PRKAR1A: variants seen among roughly 807,000 people sequenced by gnomAD.
The protein encoded by PRKAR1A is cAMP-dependent protein kinase type I-alpha regulatory subunit.
A neutral mutation model predicts 52.0 loss-of-function variants in PRKAR1A; 3 were observed. The ratio of observed to expected loss-of-function variants is 0.06; its 90% confidence interval spans 0.03 to 0.15. The LOEUF is 0.15. Ranked by LOEUF, PRKAR1A falls within the 10% of genes least tolerant of loss-of-function variation. The pLI is 1.00. For missense variants in PRKAR1A, 240 were observed against 477.4 expected, an observed-to-expected ratio of 0.50 and a Z score of 4.63; for synonymous variants, 188 against 168.4, an observed-to-expected ratio of 1.12 and a Z score of -0.90.
the PRKAR1A span, among the ~76,000 whole-genome samples, chr17:68,496,127 C>T: frequency 1.5e-5 from 2 of 133,622 alleles, no homozygotes; most frequent in East Asian, 2.2e-4. Context: ...CTGCAACCTC[C>T]GCCTCCCGGG....
Position 68,531,385 on chromosome 17 carries a change from G to A in PRKAR1A, c.*936G>A, listed in dbSNP as rs959676726. On this transcript the variant is annotated 3_prime_UTR_variant, in exon 11 of 11. Coordinates refer to ENST00000589228, the MANE Select transcript of PRKAR1A (RefSeq NM_002734.5). ...TCCTCTGCTCATTAAACTGATTCCA[G>A]GAGATTGGATTTGCTGTGACTAGAT... The A allele has an allele frequency of 3.8e-6, 4 of 1,065,750 alleles. No homozygotes were observed. Among genetic ancestry groups the A allele is most frequent in the Non-Finnish European group, 1.1e-6 (1 of 879,466 alleles). The allele number at this position is 1,065,750 out of a possible 1,614,324, so 66.0% of individuals were successfully genotyped here.
At chr17:68,457,537 GTCCCC>G in the PRKAR1A span, 16 of 72,440 alleles carry the variant, frequency 2.2e-4, no homozygotes, top group East Asian at 4.4e-4. Context: ...ACCCCGCCCC[GTCCCC>G]ACCCCGCCCC....
the PRKAR1A span, among the ~76,000 whole-genome samples, chr17:68,437,005 A>AAAAAAATAT: frequency 6.5e-5 from 7 of 107,264 alleles, no homozygotes; most frequent in Middle Eastern, 5.3e-3. Flanking sequence ...AAAAAAAAAA[A>AAAAAAATAT]ATATATATAT....
At chr17:68,511,861 G>A (rs1009294297), upstream of PRKAR1A, 2 of 152,058 alleles carry the variant, frequency 1.3e-5, no homozygotes, top group South Asian at 2.1e-4. Flanking sequence ...CTCCTCCGGG[G>A]GCTGGCAGCG....
chr17:68,481,553 A>T, the PRKAR1A span, among the ~76,000 whole-genome samples: 1 of 152,178 alleles, frequency 6.6e-6, no homozygotes, highest in East Asian at 1.9e-4. Flanking sequence ...TCTAATGCCC[A>T]TGCTGATCTG....
At chr17:68,546,192 A>G (rs1406785228) in intron 11 of PRKAR1A, among the ~76,000 whole-genome samples, 3 of 120,288 alleles carry the variant, frequency 2.5e-5, no homozygotes, top group Non-Finnish European at 5.5e-5. Context: ...AAAAAAAAAA[A>G]AAAGCAGCAA....
the PRKAR1A span, among the ~76,000 whole-genome samples, chr17:68,454,056 G>A: frequency 6.6e-6 from 1 of 152,058 alleles, no homozygotes; most frequent in Non-Finnish European, 1.5e-5. Flanking sequence ...GACAATCAAA[G>A]TGCCTCTTAA....
chr17:68,437,016 A>ATGTGTGTGTGTGTGTGTGTGTGTG, the PRKAR1A span, among the ~76,000 whole-genome samples: 87 of 144,660 alleles, frequency 6.0e-4, 1 homozygote, highest in East Asian at 5.0e-3. Flanking sequence ...ATATATATAT[A>ATGTGTGTGTGTGTGTGTGTGTGTG]TGTGTGTGTG....
chr17:68,415,048 G>A, the PRKAR1A span, among the ~76,000 whole-genome samples: 1,359 of 151,878 alleles, frequency 8.9e-3, 23 homozygotes, highest in African/African-American at 0.031. Context: ...TCTGATCTTG[G>A]TTATTTCCTT....
chr17:68,478,036 C>T, the PRKAR1A span, among the ~76,000 whole-genome samples: 1 of 152,210 alleles, frequency 6.6e-6, no homozygotes, highest in East Asian at 1.9e-4. Flanking sequence ...ATTATATTTT[C>T]AAGTAAGCTT....
Position 68,531,222 on chromosome 17 carries a change from C to G in PRKAR1A, c.*773C>G. The G allele has an allele frequency of 6.6e-6, 7 of 1,066,240 alleles. No homozygotes were observed. The highest frequency in any genetic ancestry group is 8.0e-6 in the Non-Finnish European group (7 of 879,592). 66.0% of individuals were successfully genotyped at this position (1,066,240 alleles called of 1,614,324 possible). On this transcript the variant is annotated 3_prime_UTR_variant, in exon 11 of 11. Coordinates refer to ENST00000589228, the MANE Select transcript of PRKAR1A (RefSeq NM_002734.5). ...TACATCTGCCTCGGCTCACAAATTC[C>G]GATTAGACCTTTATCCAGCTAGTGC...
chr17:68,522,595 ACT>A (rs1183905042), intron 2 of PRKAR1A, among the ~76,000 whole-genome samples, 159 bp from the exon 3 acceptor site: 1 of 151,746 alleles, frequency 6.6e-6, no homozygotes, highest in East Asian at 1.9e-4. Context: ...TTCAAGTGTT[ACT>A]CTCTTTTTTT....
the PRKAR1A span, among the ~76,000 whole-genome samples, chr17:68,457,726 A>C: frequency 6.6e-6 from 1 of 151,604 alleles, no homozygotes; most frequent in Non-Finnish European, 1.5e-5. Flanking sequence ...GCTGGCGGGC[A>C]CCGCCCCCCT....
At chr17:68,421,595 C>T in the PRKAR1A span, 1 of 773,078 alleles carries the variant, frequency 1.3e-6, no homozygotes, top group Non-Finnish European at 2.2e-6. Flanking sequence ...CATTGGCAAC[C>T]AGGGTCGTGG....
intron 11 of PRKAR1A, among the ~76,000 whole-genome samples, chr17:68,545,305 T>A (rs1039495273): frequency 1.3e-5 from 2 of 152,242 alleles, no homozygotes; most frequent in Non-Finnish European, 2.9e-5. Flanking sequence ...ACAATTTTTG[T>A]ATAGACACAC....
chr17:68,532,615 T>C lies in PRKAR1A; in HGVS notation c.*2166T>C, dbSNP rs1162017972. 1 of 1,066,262 alleles carries C rather than the reference T, an allele frequency of 9.4e-7. No individual in the cohort carries two copies. The highest frequency in any genetic ancestry group is 5.0e-5 in the East Asian group (1 of 20,088). 66.1% of individuals were successfully genotyped at this position (1,066,262 alleles called of 1,614,324 possible). A position where few individuals can be genotyped will look rare whatever the true frequency, so the allele number is the denominator to read the frequency against. ...TGGTAAGTGAATTTATGAGATTTAC[T>C]GCTCTAGAAAGTATAGATGGCCAAA... On this transcript the variant is annotated 3_prime_UTR_variant, in exon 11 of 11. Transcript: ENST00000589228.
chr17:68,438,703 C>T, the PRKAR1A span, among the ~76,000 whole-genome samples: 3 of 152,200 alleles, frequency 2.0e-5, no homozygotes, highest in Admixed American at 6.5e-5. Context: ...TTGGTTCAAG[C>T]GATTCTCCTG....
At chr17:68,492,291 A>G in the PRKAR1A span, among the ~76,000 whole-genome samples, 1 of 151,522 alleles carries the variant, frequency 6.6e-6, no homozygotes, top group Non-Finnish European at 1.5e-5. Flanking sequence ...AGCAGAGGAC[A>G]CCCCAGATAT....
the PRKAR1A span, chr17:68,444,496 T>C: frequency 6.2e-7 from 1 of 1,613,124 alleles, no homozygotes; most frequent in Non-Finnish European, 8.5e-7. Context: ...AGCTCACCTG[T>C]TGGGTTTGCA....
Sources: gnomAD v4.1 joint callset for allele counts (sites outside exome capture counted in the v4.1 genomes callset) on GRCh38, gnomAD v4.1.1 for gene constraint, MANE v1.5 for transcripts, NCBI Gene and HGNC (gene_info 2026-07-23, HGNC 2026-07-21) for gene names.